The following SEMA5B variants were observed in gnomAD, a reference collection of about 807,000 sequenced individuals.
SEMA5B encodes semaphorin-5B.
A neutral mutation model predicts 135.0 loss-of-function variants in SEMA5B; 66 were observed. The observed-to-expected ratio is 0.49, with a 90% CI of 0.40 to 0.60. The LOEUF (loss-of-function observed/expected upper bound fraction) is 0.60, where lower values mean the gene tolerates loss of function less well. Among genes scored for constraint, SEMA5B ranks in the 20% least tolerant of loss-of-function variants. The probability of loss-of-function intolerance (pLI) is 0.00; values close to 1 mark genes in which losing one functional copy is unlikely to be tolerated. For missense variants in SEMA5B, 1,501 were observed against 1,566.3 expected, an observed-to-expected ratio of 0.96 and a Z score of 0.70; for synonymous variants, 690 against 639.5, an observed-to-expected ratio of 1.08 and a Z score of -1.19.
At chr3:122,964,773 A>G (rs1940747556) in intron 1 of SEMA5B, among the ~76,000 whole-genome samples, 1 of 152,250 alleles carries the variant, frequency 6.6e-6, no homozygotes, top group Non-Finnish European at 1.5e-5. Flanking sequence ...CCCTCCAGAG[A>G]AAAAGAGAAT....
At chr3:122,924,464 GTCTA>G (rs1938523857) in intron 9 of SEMA5B, among the ~76,000 whole-genome samples, 1 of 152,182 alleles carries the variant, frequency 6.6e-6, no homozygotes, top group Admixed American at 6.5e-5. Context: ...CCTGCAGCCT[GTCTA>G]GTATCCTAAT....
chr3:122,956,510 G>A (rs1476736419), intron 2 of SEMA5B, among the ~76,000 whole-genome samples: 1 of 152,186 alleles, frequency 6.6e-6, no homozygotes, highest in Non-Finnish European at 1.5e-5. Flanking sequence ...AGCCAAGGCC[G>A]GAGCAATCAA....
chr3:122,956,669 T>C (rs1273787508), intron 2 of SEMA5B, among the ~76,000 whole-genome samples: 1 of 151,606 alleles, frequency 6.6e-6, no homozygotes, highest in Non-Finnish European at 1.5e-5. Flanking sequence ...AACCGAACCC[T>C]CCCCCGTTTT....
intron 3 of SEMA5B, among the ~76,000 whole-genome samples, chr3:122,945,344 G>A (rs1939739029): frequency 6.6e-6 from 1 of 152,182 alleles, no homozygotes; most frequent in African/African-American, 2.4e-5. Context: ...ATAAGAAGTG[G>A]ATCTGGAGTC....
At chr3:122,949,801 C>T (rs751969581) in intron 2 of SEMA5B, among the ~76,000 whole-genome samples, 1 of 152,138 alleles carries the variant, frequency 6.6e-6, no homozygotes, top group Admixed American at 6.5e-5. Context: ...TTGTGGCCCC[C>T]CGACCCAGGA....
chr3:122,938,130 C>A (rs923676753), intron 5 of SEMA5B, among the ~76,000 whole-genome samples: 1 of 152,220 alleles, frequency 6.6e-6, no homozygotes, highest in Non-Finnish European at 1.5e-5. Context: ...CGTATGTGAT[C>A]CCTTATGTGC....
chr3:123,023,747 G>A (rs1297985781), intron 1 of SEMA5B, among the ~76,000 whole-genome samples: 5 of 152,208 alleles, frequency 3.3e-5, no homozygotes, highest in Admixed American at 3.3e-4. Flanking sequence ...CACCACAGAT[G>A]TTGAGGCAAT....
At chr3:122,998,724 C>T (rs1184725626) in intron 1 of SEMA5B, among the ~76,000 whole-genome samples, 1 of 152,160 alleles carries the variant, frequency 6.6e-6, no homozygotes, top group East Asian at 1.9e-4. Context: ...GAGCCTGGGG[C>T]TCTTTGTTCC....
chr3:122,996,269 A>C (rs1942020934), intron 1 of SEMA5B, among the ~76,000 whole-genome samples: 1 of 152,274 alleles, frequency 6.6e-6, no homozygotes, highest in African/African-American at 2.4e-5. Context: ...GGGTGGCAGA[A>C]GGGAGGCCGT....
chr3:123,024,260 T>G (rs990656401), intron 1 of SEMA5B, among the ~76,000 whole-genome samples: 1 of 152,154 alleles, frequency 6.6e-6, no homozygotes, highest in Admixed American at 6.5e-5. Flanking sequence ...ATACACATAC[T>G]CCATCCATAA....
intron 1 of SEMA5B, chr3:122,975,995 C>T (rs1941305749): frequency 2.0e-6 from 3 of 1,534,974 alleles, no homozygotes; most frequent in East Asian, 2.4e-5. Context: ...CATGCACTTG[C>T]CCACCTCGAT....
At chr3:122,933,648 G>A (rs1939092042) in intron 5 of SEMA5B, among the ~76,000 whole-genome samples, 1 of 151,910 alleles carries the variant, frequency 6.6e-6, no homozygotes, top group East Asian at 1.9e-4. Context: ...CTTTTCCTCT[G>A]TTCTCTTTTT....
intron 12 of SEMA5B, among the ~76,000 whole-genome samples, chr3:122,917,420 C>T (rs1938125940): frequency 6.6e-6 from 1 of 152,150 alleles, no homozygotes; most frequent in South Asian, 2.1e-4. Flanking sequence ...AGAGATACAC[C>T]AAGAACAAAC....
chr3:122,954,362 A>G (rs1458078703), intron 2 of SEMA5B, among the ~76,000 whole-genome samples: 1 of 152,186 alleles, frequency 6.6e-6, no homozygotes, highest in Non-Finnish European at 1.5e-5. Flanking sequence ...TACTTCCATG[A>G]GCCACCCCCA....
At chr3:122,916,788 G>C (rs943631598) in intron 12 of SEMA5B, among the ~76,000 whole-genome samples, 9 of 152,086 alleles carry the variant, frequency 5.9e-5, no homozygotes, top group African/African-American at 1.9e-4. Context: ...GCAGGAATCA[G>C]AGTCTAGTGC....
chr3:122,913,105 C>G (rs1028017598), intron 17 of SEMA5B, 44 bp from the exon 18 acceptor site: 6 of 1,419,020 alleles, frequency 4.2e-6, no homozygotes, highest in African/African-American at 1.5e-5. Context: ...CCGGCCACCC[C>G]GACCCCGGCC....
rs1458679614 is a variant in SEMA5B, at chr3:122,928,720, A to G, written c.538-105T>C. The G allele has an allele frequency of 4.6e-6, 4 of 871,914 alleles. No homozygotes were observed. The African/African-American group carries it at 5.0e-5, about 11-fold the overall frequency. The allele number at this position is 871,914 out of a possible 1,614,324, so 54.0% of individuals were successfully genotyped here. A position where few individuals can be genotyped will look rare whatever the true frequency, so the allele number is the denominator to read the frequency against. ...ATGGATGCCAACAAGTATTCTAAAC[A>G]CTCCCCTTGACCCCAGATCCACCTG... On this transcript the variant is annotated intron_variant, in intron 6 of 22. Coordinates refer to ENST00000357599, the MANE Select transcript of SEMA5B (RefSeq NM_001031702.4).
chr3:122,914,676 G>A (rs1211967284), intron 14 of SEMA5B, among the ~76,000 whole-genome samples: 3 of 152,216 alleles, frequency 2.0e-5, no homozygotes, highest in South Asian at 4.1e-4. Flanking sequence ...GCTTATGCCT[G>A]TAATCCCAGA....
intron 1 of SEMA5B, among the ~76,000 whole-genome samples, chr3:123,018,831 A>G (rs1942616560): frequency 6.6e-6 from 1 of 152,152 alleles, no homozygotes; most frequent in Non-Finnish European, 1.5e-5. Context: ...AGTAGCACCC[A>G]AATTCTTCCA....
Sources: allele counts gnomAD v4.1 joint callset (sites outside exome capture counted in the v4.1 genomes callset), GRCh38; gene constraint gnomAD v4.1.1; transcripts MANE v1.5; gene names NCBI Gene and HGNC (gene_info 2026-07-23, HGNC 2026-07-21).